TTK: variants seen among roughly 807,000 people sequenced by gnomAD.
TTK encodes the protein TTK protein kinase.
Under a neutral mutation model 117.3 loss-of-function variants are expected in TTK, and 59 were observed. That is an observed-to-expected ratio of 0.50 (90% CI 0.41 to 0.62). The LOEUF (loss-of-function observed/expected upper bound fraction) is 0.62, where lower values mean the gene tolerates loss of function less well. Among genes scored for constraint, TTK ranks in the 20% least tolerant of loss-of-function variants. The pLI, the probability that TTK is intolerant of heterozygous loss-of-function variation, is 0.00. For missense variants in TTK, 921 were observed against 989.4 expected (o/e 0.93, Z 0.93); for synonymous variants, 302 against 325.0 (o/e 0.93, Z 0.76).
chr6:80,023,252 A>T (rs1028962791), intron 11 of TTK, among the ~76,000 whole-genome samples: 2 of 152,220 alleles, frequency 1.3e-5, no homozygotes, highest in East Asian at 3.8e-4. Context: ...TATTTACTAT[A>T]TTAGGAAGTA....
intron 14 of TTK, among the ~76,000 whole-genome samples, chr6:80,034,219 G>T (rs2127681914): frequency 6.6e-6 from 1 of 152,236 alleles, no homozygotes. Flanking sequence ...AACTTTTAAG[G>T]AGGCTATTGA....
chr6:80,023,866 A>C lies in TTK; in HGVS notation c.1257+1394A>C, dbSNP rs186396786. ...AAAAGTGAGAAAGGTAAATATTGTC[A>C]TAGTAAGATCTCTTAAGTAGTAGAT... On this transcript the variant is annotated intron_variant, in intron 11 of 21. Coordinates refer to ENST00000369798, the MANE Select transcript of TTK (RefSeq NM_003318.5). 2.1e-3 allele frequency among the ~76,000 whole-genome samples: 321 copies of C among 152,328 alleles called. 1 individual carries two copies. The highest frequency in any genetic ancestry group is 0.017 in the Middle Eastern group (5 of 294).
chr6:80,013,792 ACCT>A (rs1213781256), intron 9 of TTK, among the ~76,000 whole-genome samples: 3 of 151,804 alleles, frequency 2.0e-5, no homozygotes, highest in African/African-American at 7.3e-5. Flanking sequence ...AATAATCCTG[ACCT>A]CCTGACATGG....
intron 21 of TTK, 26 bp downstream of exon 21, chr6:80,040,729 A>T: frequency 1.3e-6 from 2 of 1,599,226 alleles, no homozygotes; most frequent in Non-Finnish European, 1.7e-6. Flanking sequence ...CTTTACATTA[A>T]TTTTTACTGT....
At position 80,034,993 on chromosome 6, in the gene TTK, G is replaced by A. The variant is rs750211370; in HGVS notation, c.1623G>A (p.Gln541=). The change falls in exon 15 of 22, where the codon CAG becomes CAA. Residue 541 remains glutamine (Q), a synonymous_variant. Transcript: ENST00000369798. ...IGSGGSSKVF[Q]VLNEKKQIYA... ...TTTGTTCTACTCTGTAGGTATTTCA[G>A]GTGTTAAATGAAAAGAAACAGATAT... 3 of 1,560,888 alleles carry A rather than the reference G, an allele frequency of 1.9e-6. No individual in the cohort carries two copies. Among genetic ancestry groups the A allele is most frequent in the East Asian group, 4.5e-5 (2 of 43,998 alleles).
In TTK at chr6:80,007,991, A is replaced by ACACT; in HGVS notation, c.322_323insCACT (p.Ser108ThrfsTer5). On this transcript the variant is annotated frameshift_variant, in exon 3 of 22. Transcript: ENST00000369798. LOFTEE classifies it high-confidence loss of function. ...CCCAGATAAATATGGCCAAAATGAGAGTTTTGCTAGAATTCAAGTGAGATT... is the reference window on the plus strand; with the variant it reads ...CCCAGATAAATATGGCCAAAATGAGACACTGTTTTGCTAGAATTCAAGTGAGATT... 1.1e-5 allele frequency: 18 copies of ACACT among 1,591,504 alleles called. No individual in the cohort carries two copies. Among genetic ancestry groups the ACACT allele is most frequent in the East Asian group, 2.2e-5 (1 of 44,712 alleles).
At chr6:80,037,339 G>A (rs1414250875) in intron 17 of TTK, among the ~76,000 whole-genome samples, 5 of 151,956 alleles carry the variant, frequency 3.3e-5, no homozygotes, top group Non-Finnish European at 7.4e-5. Context: ...AAATCAGCTT[G>A]ACAATATCTT....
chr6:80,006,243 T>G, intron 2 of TTK: 1 of 421,824 alleles, frequency 2.4e-6, no homozygotes, highest in Admixed American at 3.6e-5. Flanking sequence ...TTTAATACTC[T>G]AGCTCTTCTA....
At chr6:80,027,579 G>A (rs967644691) in intron 12 of TTK, among the ~76,000 whole-genome samples, 3 of 151,870 alleles carry the variant, frequency 2.0e-5, no homozygotes, top group Admixed American at 6.6e-5. Flanking sequence ...ATCTATGGCC[G>A]GCCACAAGCT....
intron 13 of TTK, among the ~76,000 whole-genome samples, chr6:80,029,989 T>G (rs1767710350): frequency 6.6e-6 from 1 of 152,144 alleles, no homozygotes. Flanking sequence ...GGGGAAACCT[T>G]GATGAAATTA....
chr6:80,040,803 A>C, intron 21 of TTK, 100 bp downstream of exon 21: 2 of 986,148 alleles, frequency 2.0e-6, no homozygotes, highest in Non-Finnish European at 3.0e-6. Context: ...TCCAATCATC[A>C]GATCAGTTAT....
At position 80,039,753 on chromosome 6, in the gene TTK, G is replaced by A. The variant is rs775979132; in HGVS notation, c.2188G>A (p.Gly730Arg). The A allele has an allele frequency of 1.0e-5, 16 of 1,589,094 alleles. No homozygotes were observed. Among genetic ancestry groups the A allele is most frequent in the African/African-American group, 6.8e-5 (5 of 73,686 alleles). Residue 730 changes from glycine to arginine, a missense_variant, in exon 19 of 22, where the codon GGG becomes AGG. Coordinates refer to ENST00000369798, the MANE Select transcript of TTK (RefSeq NM_003318.5). Reference sequence around the variant, plus strand: ...ATGTATTTTGTACTATATGACTTACGGGAAAACACCATTTCAGCAGATAAT... The same window carrying A: ...ATGTATTTTGTACTATATGACTTACAGGAAAACACCATTTCAGCAGATAAT... ...LGCILYYMTY[G>R]KTPFQQIINQ...
chr6:80,028,249 G>T (rs1767658217), intron 13 of TTK, among the ~76,000 whole-genome samples: 1 of 151,916 alleles, frequency 6.6e-6, no homozygotes, highest in Admixed American at 6.6e-5. Flanking sequence ...AGTTTGAATA[G>T]CTGGATAAAA....
intron 10 of TTK, among the ~76,000 whole-genome samples, chr6:80,016,825 G>A (rs1368073791): frequency 6.6e-6 from 1 of 152,140 alleles, no homozygotes; most frequent in African/African-American, 2.4e-5. Context: ...CAGTGGATTT[G>A]CTTAAATGGT....
intron 13 of TTK, among the ~76,000 whole-genome samples, chr6:80,031,044 CA>C (rs56848922): frequency 0.022 from 1,735 of 77,864 alleles, 18 homozygotes; most frequent in African/African-American, 0.065. Flanking sequence ...GATGCTGTCT[CA>C]AAAAAAAAAA....
chr6:80,029,700 TG>T (rs1301805411), intron 13 of TTK, among the ~76,000 whole-genome samples: 1 of 151,922 alleles, frequency 6.6e-6, no homozygotes, highest in Non-Finnish European at 1.5e-5. Context: ...CCTAAGAGGG[TG>T]GGAAGCTTTG....
chr6:80,009,367 G>C (rs1232537546), intron 4 of TTK, among the ~76,000 whole-genome samples: 1 of 152,012 alleles, frequency 6.6e-6, no homozygotes, highest in Non-Finnish European at 1.5e-5. Context: ...ACCCTGAATT[G>C]TTACCCATTC....
chr6:80,011,963 A>AAATAG lies in TTK; in HGVS notation c.879_880insAATAG (p.Pro294AsnfsTer6), dbSNP rs1767171792. The AAATAG allele has an allele frequency of 1.2e-6, 2 of 1,608,704 alleles. No homozygotes were observed. The highest frequency in any genetic ancestry group is 1.7e-6 in the Non-Finnish European group (2 of 1,178,274). ...ATGTGAAGACAGATGATTCAGTTGT[A>AAATAG]CCTTGTTTTATGAAAAGGTATGTTG... is the stretch of plus-strand genomic sequence containing the variant. On this transcript the variant is annotated frameshift_variant, in exon 8 of 22. Coordinates refer to ENST00000369798, the MANE Select transcript of TTK (RefSeq NM_003318.5). LOFTEE classifies it high-confidence loss of function.
intron 10 of TTK, among the ~76,000 whole-genome samples, chr6:80,020,925 C>T (rs1767442164): frequency 1.3e-5 from 2 of 152,324 alleles, no homozygotes; most frequent in South Asian, 4.1e-4. Flanking sequence ...AACCCATCCC[C>T]AAGAAGGGGA....
Sources: gnomAD v4.1 joint callset for allele counts (sites outside exome capture counted in the v4.1 genomes callset) on GRCh38, gnomAD v4.1.1 for gene constraint, MANE v1.5 for transcripts, NCBI Gene and HGNC (gene_info 2026-07-23, HGNC 2026-07-21) for gene names.